ZNF83: variants seen among roughly 807,000 people sequenced by gnomAD.
The protein encoded by ZNF83 is zinc finger protein 83.
For missense variants in ZNF83, 552 were observed against 629.9 expected, an observed-to-expected ratio of 0.88 and a Z score of 1.32; for synonymous variants, 209 against 213.0, an observed-to-expected ratio of 0.98 and a Z score of 0.17.
chr19:52,671,114 T>C (rs1282197063), intron 1 of ZNF83, among the ~76,000 whole-genome samples: 1 of 152,202 alleles, frequency 6.6e-6, no homozygotes, highest in African/African-American at 2.4e-5. Context: ...AACGATACCT[T>C]TGAAGGACCA....
intron 2 of ZNF83, chr19:52,655,796 CA>C: frequency 3.4e-6 from 2 of 583,172 alleles, no homozygotes; most frequent in South Asian, 4.6e-5. Context: ...GGTGTTCTGA[CA>C]AACCCACATT....
intron 2 of ZNF83, among the ~76,000 whole-genome samples, chr19:52,656,725 G>A (rs1186152698): frequency 1.3e-5 from 2 of 151,994 alleles, no homozygotes; most frequent in African/African-American, 4.8e-5. Context: ...AATTAGCTTG[G>A]TATGGTGGTG....
intron 1 of ZNF83, among the ~76,000 whole-genome samples, chr19:52,665,975 A>ATG (rs1201329651): frequency 8.6e-5 from 13 of 150,818 alleles, no homozygotes; most frequent in African/African-American, 2.9e-4. Flanking sequence ...CCTGGCTAAC[A>ATG]GTGAAACCCC....
At chr19:52,637,286 C>T (rs780885480) in intron 1 of ZNF83, among the ~76,000 whole-genome samples, 1 of 152,116 alleles carries the variant, frequency 6.6e-6, no homozygotes, top group Non-Finnish European at 1.5e-5. Context: ...TGTTATACCC[C>T]CTGTCCCCAA....
chr19:52,655,691 A>T, intron 2 of ZNF83: 1 of 1,052,222 alleles, frequency 9.5e-7, no homozygotes, highest in Non-Finnish European at 1.5e-6. Flanking sequence ...AGCATCCCTA[A>T]AATTAAACAC....
At chr19:52,633,481 AT>A (rs2061042257) in intron 2 of ZNF83, among the ~76,000 whole-genome samples, 1 of 122,752 alleles carries the variant, frequency 8.1e-6, no homozygotes, top group Non-Finnish European at 1.7e-5. Flanking sequence ...ACTTGCTCTG[AT>A]AACCTGGCAC....
intron 1 of ZNF83, among the ~76,000 whole-genome samples, chr19:52,672,409 A>G (rs2061738693): frequency 6.6e-6 from 1 of 152,178 alleles, no homozygotes; most frequent in African/African-American, 2.4e-5. Flanking sequence ...ATATGATTAC[A>G]TTTAGAAGGG....
chr19:52,617,384 A>G (rs1161017897), intron 2 of ZNF83: 2 of 152,136 alleles, frequency 1.3e-5, no homozygotes, highest in Non-Finnish European at 2.9e-5. Flanking sequence ...TAGCATGGGG[A>G]CTGAGTACTG....
chr19:52,621,106 C>T (rs759728289), intron 2 of ZNF83, among the ~76,000 whole-genome samples: 5 of 152,178 alleles, frequency 3.3e-5, no homozygotes, highest in Non-Finnish European at 7.3e-5. Flanking sequence ...CAGGGACATA[C>T]GTGACATTTG....
At chr19:52,670,427 C>T (rs939517039) in intron 1 of ZNF83, among the ~76,000 whole-genome samples, 11 of 152,176 alleles carry the variant, frequency 7.2e-5, no homozygotes, top group Middle Eastern at 3.2e-3. Flanking sequence ...TTCAGGTACG[C>T]ACTCACCATT....
At chr19:52,645,668 G>A (rs920646592) in intron 3 of ZNF83, among the ~76,000 whole-genome samples, 7 of 151,788 alleles carry the variant, frequency 4.6e-5, no homozygotes, top group African/African-American at 1.5e-4. Flanking sequence ...TTAGCTGGGC[G>A]TGCTGACATA....
intron 1 of ZNF83, among the ~76,000 whole-genome samples, chr19:52,685,991 C>T (rs545880881): frequency 3.3e-5 from 5 of 151,738 alleles, no homozygotes; most frequent in East Asian, 1.9e-4. Context: ...TTTGTCCAAA[C>T]GCACCAGAGG....
intron 3 of ZNF83, among the ~76,000 whole-genome samples, chr19:52,645,838 G>T (rs1182070295): frequency 6.7e-6 from 1 of 150,128 alleles, no homozygotes; most frequent in African/African-American, 2.5e-5. Flanking sequence ...AAGAAAAATA[G>T]AAAAATGAAG....
chr19:52,659,576 G>C (rs915882843), intron 2 of ZNF83, among the ~76,000 whole-genome samples: 2 of 141,530 alleles, frequency 1.4e-5, no homozygotes, highest in Non-Finnish European at 3.0e-5. Flanking sequence ...ATGCTCTCTT[G>C]TGAGGAGCAA....
At chr19:52,652,362 G>T (rs1403270552) in intron 3 of ZNF83, 1 of 313,566 alleles carries the variant, frequency 3.2e-6, no homozygotes, top group Non-Finnish European at 6.2e-6. Flanking sequence ...ATGAACCTGG[G>T]AGGTGGAGGT....
At chr19:52,689,410 C>G (rs78634049) in intron 1 of ZNF83, among the ~76,000 whole-genome samples, 4 of 110,184 alleles carry the variant, frequency 3.6e-5, no homozygotes, top group African/African-American at 1.3e-4. Flanking sequence ...CTCTCTAGCA[C>G]TCCAGATCCC....
At chr19:52,687,743 T>G (rs1192763280) in intron 1 of ZNF83, among the ~76,000 whole-genome samples, 1 of 145,132 alleles carries the variant, frequency 6.9e-6, no homozygotes, top group East Asian at 2.0e-4. Context: ...GAGGATCACT[T>G]GACCCCAGGG....
chr19:52,647,443 GTTAAT>G (rs757192953), intron 3 of ZNF83, among the ~76,000 whole-genome samples: 1 of 152,030 alleles, frequency 6.6e-6, no homozygotes, highest in Non-Finnish European at 1.5e-5. Flanking sequence ...ATCATGCCCT[GTTAAT>G]TTTTGTTTTT....
intron 2 of ZNF83, among the ~76,000 whole-genome samples, chr19:52,660,349 G>A (rs1184575496): frequency 6.6e-6 from 1 of 152,084 alleles, no homozygotes; most frequent in Non-Finnish European, 1.5e-5. Context: ...CATGCTCACA[G>A]GCAGCCAGTG....
Sources: gnomAD v4.1 joint callset for allele counts (sites outside exome capture counted in the v4.1 genomes callset) on GRCh38, gnomAD v4.1.1 for gene constraint, MANE v1.5 for transcripts, NCBI Gene and HGNC (gene_info 2026-07-23, HGNC 2026-07-21) for gene names.